The following NFATC1 variants were observed in gnomAD, a reference collection of about 807,000 sequenced individuals.
NFATC1 encodes the protein nuclear factor of activated T cells 1.
A neutral mutation model predicts 76.0 loss-of-function variants in NFATC1; 22 were observed. The ratio of observed to expected loss-of-function variants is 0.29; its 90% confidence interval spans 0.21 to 0.41. The LOEUF (loss-of-function observed/expected upper bound fraction) is 0.41. NFATC1 is among the 10% of genes least tolerant of loss of function. NFATC1 has a pLI of 1.00. For synonymous variants in NFATC1, 704 were observed against 613.1 expected (o/e 1.15, Z -2.19); for missense variants, 1,357 against 1,337.7 (o/e 1.01, Z -0.23).
intron 8 of NFATC1, among the ~76,000 whole-genome samples, chr18:79,480,824 C>G (rs986002106): frequency 6.6e-6 from 1 of 152,228 alleles, no homozygotes; most frequent in Non-Finnish European, 1.5e-5. Flanking sequence ...GGACACTTCA[C>G]AGAAGAGGCG....
At chr18:79,476,210 G>C (rs531550039) in intron 8 of NFATC1, among the ~76,000 whole-genome samples, 1 of 152,242 alleles carries the variant, frequency 6.6e-6, no homozygotes, top group Non-Finnish European at 1.5e-5. Flanking sequence ...CCAGCCGCGC[G>C]CCTGGGAGGG....
At chr18:79,446,741 A>G (rs2087222457) in intron 3 of NFATC1, among the ~76,000 whole-genome samples, 1 of 152,314 alleles carries the variant, frequency 6.6e-6, no homozygotes, top group Admixed American at 6.5e-5. Context: ...TTTGTTCTGC[A>G]GAGTTACGTG....
chr18:79,396,164 CG>C lies in NFATC1; in HGVS notation c.-57del. 4 of 1,381,288 alleles carry C rather than the reference CG, an allele frequency of 2.9e-6. No homozygotes were observed. In the Admixed American group the frequency reaches 8.6e-5, roughly 30 times the overall value. 85.6% of individuals were successfully genotyped at this position (1,381,288 alleles called of 1,614,324 possible). ...TCCCGGAGACCCGACCCCGGCAGCG[CG>C]GGGCGGCCGCTTCTCCTGTGCCTCC... On this transcript the variant is annotated 5_prime_UTR_variant, in exon 1 of 10. Coordinates refer to ENST00000427363, the MANE Select transcript of NFATC1 (RefSeq NM_001278669.2).
chr18:79,411,386 T>G lies in NFATC1; in HGVS notation c.1111T>G (p.Tyr371Asp), dbSNP rs151234177. The change falls in exon 2 of 10, where the codon TAC (tyrosine) becomes GAC (aspartate). Residue 371 changes from tyrosine to aspartate, a missense_variant. Physicochemically the swap from Tyr to Asp is radical, Grantham distance 160. Around this residue, in one of 3 missense-constraint regions of NFATC1, gnomAD observed 691 missense variants for 613.1 expected, o/e 1.13. Transcript: ENST00000427363. ...CCCGGCCGACTTCGCGCCCGAAGACTACTCCTCTTTCCAGCACATCAGGAA... is the reference window on the plus strand; with the variant it reads ...CCCGGCCGACTTCGCGCCCGAAGACGACTCCTCTTTCCAGCACATCAGGAA... ...PPPADFAPEDYSSFQHIRKGG... is the reference protein window; with the variant it reads ...PPPADFAPEDDSSFQHIRKGG... 4.9e-4 allele frequency: 772 copies of G among 1,581,240 alleles called. 1 individual carries two copies. The highest frequency in any genetic ancestry group is 6.1e-4 in the Non-Finnish European group (707 of 1,165,892).
intron 6 of NFATC1, among the ~76,000 whole-genome samples, chr18:79,458,989 C>G (rs565061594): frequency 1.3e-3 from 194 of 152,368 alleles, no homozygotes; most frequent in African/African-American, 4.4e-3. Context: ...CACCCTCACC[C>G]TGGTCGACCT....
chr18:79,426,884 G>A (rs994076300), intron 2 of NFATC1, among the ~76,000 whole-genome samples: 5 of 152,238 alleles, frequency 3.3e-5, no homozygotes, highest in Admixed American at 1.3e-4. Context: ...TGCCGGGAGC[G>A]CCTTGCATTT....
chr18:79,474,840 G>A (rs201592593), intron 8 of NFATC1, among the ~76,000 whole-genome samples: 249 of 120,842 alleles, frequency 2.1e-3, no homozygotes, highest in African/African-American at 8.4e-3. Flanking sequence ...TCTCACGCTC[G>A]CTGTCAACGT....
rs574587221 is a variant in NFATC1 at position 79,408,755 on chromosome 18, C to A, written c.128-1648C>A. The stretch of plus-strand genomic sequence containing the variant: ...ATCCATCCATCATCAAACCATTACT[C>A]CTCCATTCCCTATGCATCCATGCAT... On this transcript the variant is annotated intron_variant, in intron 1 of 9. Transcript: ENST00000427363. Among the ~76,000 whole-genome samples the A allele has an allele frequency of 1.1e-3, 173 of 152,224 alleles. 1 individual carries two copies. Among genetic ancestry groups the A allele is most frequent in the African/African-American group, 3.8e-3 (159 of 41,534 alleles).
rs566231542 is a variant in NFATC1, at chr18:79,414,767, G to A, written c.1226+3266G>A. On this transcript the variant is annotated intron_variant, in intron 2 of 9. Coordinates refer to ENST00000427363, the MANE Select transcript of NFATC1 (RefSeq NM_001278669.2). ...ATCAGAAAGGAGTGGTTTTCTTCCC[G>A]CCTTGCTTCTTTCCAGGGGTAATGA... Among the ~76,000 whole-genome samples, 67 of 152,210 alleles carry A rather than the reference G, an allele frequency of 4.4e-4. 1 individual carries two copies. In the South Asian group the frequency reaches 7.3e-3, roughly 17 times the overall value.
At chr18:79,522,131 G>A (rs1440353619) in intron 9 of NFATC1, among the ~76,000 whole-genome samples, 1 of 85,096 alleles carries the variant, frequency 1.2e-5, no homozygotes, top group Non-Finnish European at 2.2e-5. Context: ...TGGGGAGGGG[G>A]TGTCCACTGA....
intron 9 of NFATC1, among the ~76,000 whole-genome samples, chr18:79,506,237 G>T (rs1449429345): frequency 6.6e-6 from 1 of 152,236 alleles, no homozygotes; most frequent in Non-Finnish European, 1.5e-5. Context: ...CTCAGCCGCA[G>T]TGTGGAGAGG....
intron 9 of NFATC1, chr18:79,498,254 T>C (rs1426833676): frequency 6.6e-6 from 1 of 151,486 alleles, no homozygotes; most frequent in Non-Finnish European, 1.5e-5. Flanking sequence ...CTGCAATAAA[T>C]ATGCTCAAAG....
chr18:79,405,523 T>A (rs736792), intron 1 of NFATC1, among the ~76,000 whole-genome samples: 146 of 152,344 alleles, frequency 9.6e-4, no homozygotes, highest in African/African-American at 3.4e-3. Context: ...ACCAAATTCA[T>A]TGGGAGCTGG....
intron 1 of NFATC1, among the ~76,000 whole-genome samples, chr18:79,404,285 C>T (rs1237634299): frequency 6.6e-6 from 1 of 152,162 alleles, no homozygotes; most frequent in African/African-American, 2.4e-5. Flanking sequence ...CGTTTGTTTG[C>T]GCTGTGACGA....
intron 9 of NFATC1, among the ~76,000 whole-genome samples, chr18:79,520,076 G>A (rs2090478295): frequency 6.6e-6 from 1 of 152,190 alleles, no homozygotes; most frequent in South Asian, 2.1e-4. Flanking sequence ...CGGCAGGGGT[G>A]CCACTTGGAA....
intron 9 of NFATC1, among the ~76,000 whole-genome samples, chr18:79,515,338 C>CAAAA (rs75194540): frequency 1.6e-5 from 1 of 63,456 alleles, no homozygotes; most frequent in Admixed American, 1.8e-4. Flanking sequence ...GACTCCATCT[C>CAAAA]AAAAAAAAAA....
chr18:79,403,603 A>C (rs1383766150), intron 1 of NFATC1, among the ~76,000 whole-genome samples: 1 of 152,218 alleles, frequency 6.6e-6, no homozygotes, highest in South Asian at 2.1e-4. Flanking sequence ...ACTCAGAGGA[A>C]ATTGGCCAAG....
At position 79,406,532 on chromosome 18, in the gene NFATC1, A is replaced by G. The variant is rs1231242287; in HGVS notation, c.128-3871A>G. ...TGGTGTGAGATGGAAGCTGGTTCCTAACATAATGTTGTTTCTGCTCCAACA... is the reference window on the plus strand; with the variant it reads ...TGGTGTGAGATGGAAGCTGGTTCCTGACATAATGTTGTTTCTGCTCCAACA... On this transcript the variant is annotated intron_variant, in intron 1 of 9. Transcript: ENST00000427363. Among the ~76,000 whole-genome samples, 4 of 152,192 alleles carry G rather than the reference A, an allele frequency of 2.6e-5. No homozygotes were observed. The East Asian group carries it at 7.7e-4, about 29-fold the overall frequency.
chr18:79,449,014 CAGGGGGCGGTAGG>C (rs1294057053), intron 4 of NFATC1, 30 bp downstream of exon 4: 13 of 1,606,422 alleles, frequency 8.1e-6, no homozygotes, highest in Admixed American at 1.7e-5. Context: ...CGGCCTCTGG[CAGGGGGCGGTAGG>C]AGGGGGCGTG....
Sources: allele counts gnomAD v4.1 joint callset (sites outside exome capture counted in the v4.1 genomes callset), GRCh38; gene constraint gnomAD v4.1.1; regional missense constraint gnomAD v4.1.1; transcripts MANE v1.5; gene names NCBI Gene and HGNC (gene_info 2026-07-23, HGNC 2026-07-21).